The following CA5A variants were observed in gnomAD, a reference collection of about 807,000 sequenced individuals.
CA5A encodes the protein carbonic anhydrase 5A, also known as carbonic anhydrase 5A, mitochondrial.
In CA5A, 28 loss-of-function variants were observed where a neutral mutation model predicts 37.1. That is an observed-to-expected ratio of 0.75 (90% CI 0.56 to 1.03). The LOEUF (loss-of-function observed/expected upper bound fraction) is 1.03, where lower values mean the gene tolerates loss of function less well. Ranked by LOEUF, CA5A falls within the 50% of genes least tolerant of loss-of-function variation. The pLI is 0.00. For missense variants in CA5A, 444 were observed against 399.9 expected (o/e 1.11, Z -0.94); for synonymous variants, 171 against 158.4 (o/e 1.08, Z -0.60).
Position 87,926,748 on chromosome 16 carries a change from C to T in CA5A, c.340G>A (p.Gly114Arg). Residue 114 changes from glycine (G) to arginine (R), a missense_variant and splice_region_variant, in exon 2 of 7, where the codon GGA becomes AGA. Coordinates refer to ENST00000649794, the MANE Select transcript of CA5A (RefSeq NM_001739.2). The part of the protein sequence containing the change: ...VEFDDATEAS[G>R]ISGGPLENHY... The stretch of plus-strand genomic sequence containing the variant: ...CCCTCGAGCCCCAGCTGGCACTCAC[C>T]TGATGCCTCGGTGGCATCGTCAAAT... 1.2e-6 allele frequency: 2 copies of T among 1,612,300 alleles called. No individual in the cohort carries two copies. Among genetic ancestry groups the T allele is most frequent in the Non-Finnish European group, 8.5e-7 (1 of 1,178,780 alleles).
At chr16:87,933,972 C>T (rs1275621771) in intron 1 of CA5A, among the ~76,000 whole-genome samples, 2 of 152,244 alleles carry the variant, frequency 1.3e-5, no homozygotes, top group Non-Finnish European at 2.9e-5. Flanking sequence ...ATTTAGGTGC[C>T]GATACAGAAT....
chr16:87,889,771 CA>C (rs913477279), intron 6 of CA5A, among the ~76,000 whole-genome samples: 13 of 149,064 alleles, frequency 8.7e-5, no homozygotes, highest in East Asian at 2.0e-4. Context: ...AACTCCATCT[CA>C]AAAAAAAATA....
intron 1 of CA5A, among the ~76,000 whole-genome samples, chr16:87,930,302 T>C (rs1042501753): frequency 6.6e-6 from 1 of 152,176 alleles, no homozygotes; most frequent in Non-Finnish European, 1.5e-5. Context: ...GGCCGGGGGC[T>C]GGAGTCACTT....
intron 6 of CA5A, among the ~76,000 whole-genome samples, chr16:87,890,504 C>CG (rs2055697545): frequency 6.6e-6 from 1 of 152,136 alleles, no homozygotes; most frequent in Admixed American, 6.5e-5. Context: ...GTCTGCCGGG[C>CG]GGGGGCGGGG....
chr16:87,917,165 C>A (rs1267169988), intron 2 of CA5A, among the ~76,000 whole-genome samples: 1 of 151,462 alleles, frequency 6.6e-6, no homozygotes, highest in Non-Finnish European at 1.5e-5. Flanking sequence ...GCTTCTGGAT[C>A]CAAATGATAA....
chr16:87,916,154 C>T (rs1313862962), intron 2 of CA5A, among the ~76,000 whole-genome samples: 11 of 135,532 alleles, frequency 8.1e-5, no homozygotes, highest in Non-Finnish European at 1.5e-4. Context: ...GGTGACAGAG[C>T]AAGACTCCGT....
At chr16:87,889,669 G>T (rs1428572031) in intron 6 of CA5A, among the ~76,000 whole-genome samples, 1 of 152,062 alleles carries the variant, frequency 6.6e-6, no homozygotes, top group Non-Finnish European at 1.5e-5. Flanking sequence ...CTACTTGGGA[G>T]GGTGAGGCAG....
chr16:87,914,729 C>T (rs4287574), intron 2 of CA5A, among the ~76,000 whole-genome samples: 5 of 152,066 alleles, frequency 3.3e-5, no homozygotes, highest in East Asian at 1.9e-4. Context: ...GCGGGAGCAC[C>T]GGGCAGTCCA....
At chr16:87,884,056 T>C (rs2055629368), downstream of CA5A, 2 of 152,064 alleles carry the variant, frequency 1.3e-5, no homozygotes, top group East Asian at 1.9e-4. Flanking sequence ...TGTTGGAAGA[T>C]AATGTAATTA....
At chr16:87,891,003 A>T (rs2055705160) in intron 6 of CA5A, among the ~76,000 whole-genome samples, 1 of 152,022 alleles carries the variant, frequency 6.6e-6, no homozygotes, top group South Asian at 2.1e-4. Context: ...CATGTTGGTC[A>T]GGCTGGTCTC....
intron 2 of CA5A, among the ~76,000 whole-genome samples, chr16:87,926,310 C>A (rs1168175287): frequency 6.6e-6 from 1 of 152,238 alleles, no homozygotes; most frequent in Non-Finnish European, 1.5e-5. Flanking sequence ...CCCAATGCCC[C>A]TGCCCTGCTG....
At chr16:87,889,867 C>T (rs772449710) in intron 6 of CA5A, among the ~76,000 whole-genome samples, 5 of 152,258 alleles carry the variant, frequency 3.3e-5, no homozygotes, top group Non-Finnish European at 5.9e-5. Flanking sequence ...AGGCAACTCA[C>T]GCATTTGATT....
At chr16:87,935,916 C>G (rs1288369586) in intron 1 of CA5A, among the ~76,000 whole-genome samples, 1 of 150,962 alleles carries the variant, frequency 6.6e-6, no homozygotes, top group Non-Finnish European at 1.5e-5. Context: ...CTGATGCCTG[C>G]AATCCCAGCA....
chr16:87,888,950 G>A (rs1300683894), intron 6 of CA5A, among the ~76,000 whole-genome samples: 1 of 139,704 alleles, frequency 7.2e-6, no homozygotes, highest in African/African-American at 2.7e-5. Flanking sequence ...ATGGAGTTTC[G>A]CTCCTGTTGC....
intron 2 of CA5A, among the ~76,000 whole-genome samples, chr16:87,908,542 C>T (rs958059281): frequency 1.3e-5 from 2 of 152,178 alleles, no homozygotes; most frequent in Non-Finnish European, 2.9e-5. Flanking sequence ...AGGCATAAGT[C>T]CACTGACAGC....
intron 5 of CA5A, among the ~76,000 whole-genome samples, chr16:87,897,098 C>G (rs886410251): frequency 2.0e-5 from 3 of 152,254 alleles, no homozygotes; most frequent in African/African-American, 7.2e-5. Context: ...CAGTGCCTGC[C>G]ACGTGGGCGT....
At chr16:87,909,863 T>A (rs557213844) in intron 2 of CA5A, among the ~76,000 whole-genome samples, 4 of 151,894 alleles carry the variant, frequency 2.6e-5, no homozygotes, top group Non-Finnish European at 5.9e-5. Flanking sequence ...CAGCATGGGG[T>A]CAGGAGTGGG....
rs746322891 is a variant in CA5A, at chr16:87,888,251, G to A, written c.796C>T (p.Leu266=). The A allele has an allele frequency of 5.6e-6, 9 of 1,613,656 alleles. No homozygotes were observed. The South Asian group carries it at 7.7e-5, about 14-fold the overall frequency. ...TCCTCTTCACCAAGTGCAGAAAACA[G>A]GAGAGTACGAAATGCAGAGAGCTGG... ...PSQLSAFRTL[L]FSALGEEEKM... is the part of the protein sequence containing the mutation. The change falls in exon 7 of 7, where the codon CTG becomes TTG. Residue 266 remains leucine, a synonymous_variant. Coordinates refer to ENST00000649794, the MANE Select transcript of CA5A (RefSeq NM_001739.2).
At chr16:87,900,528 G>A (rs144864471) in intron 5 of CA5A, among the ~76,000 whole-genome samples, 1,702 of 152,360 alleles carry the variant, frequency 0.011, 9 homozygotes, top group Middle Eastern at 0.017. Flanking sequence ...TGAGGCTTGC[G>A]TTGACTCCTT....
Sources: allele counts gnomAD v4.1 joint callset (sites outside exome capture counted in the v4.1 genomes callset), GRCh38; gene constraint gnomAD v4.1.1; transcripts MANE v1.5; gene names NCBI Gene and HGNC (gene_info 2026-07-23, HGNC 2026-07-21).